PEX14: variants seen among roughly 807,000 people sequenced by gnomAD.
The protein encoded by PEX14 is peroxisomal biogenesis factor 14, also known as peroxisomal membrane protein PEX14.
In PEX14, 15 loss-of-function variants were observed where a neutral mutation model predicts 49.5. That is an observed-to-expected ratio of 0.30 (90% CI 0.20 to 0.47). PEX14 has a LOEUF of 0.47. Ranked by LOEUF, PEX14 falls within the 20% of genes least tolerant of loss-of-function variation. The probability of loss-of-function intolerance (pLI) is 1.00; values close to 1 mark genes in which losing one functional copy is unlikely to be tolerated. For synonymous variants in PEX14, 210 were observed against 212.7 expected, an observed-to-expected ratio of 0.99 and a Z score of 0.11; for missense variants, 398 against 494.8, an observed-to-expected ratio of 0.80 and a Z score of 1.86.
At chr1:10,574,255 A>C (rs970768417) in intron 3 of PEX14, among the ~76,000 whole-genome samples, 1 of 152,242 alleles carries the variant, frequency 6.6e-6, no homozygotes, top group Non-Finnish European at 1.5e-5. Context: ...AGTCTTAAAG[A>C]ATTCTGTCAA....
At chr1:10,619,057 G>A (rs773910039) in intron 5 of PEX14, among the ~76,000 whole-genome samples, 14 of 152,202 alleles carry the variant, frequency 9.2e-5, no homozygotes, top group Non-Finnish European at 2.1e-4. Context: ...TCTGTCTGTT[G>A]TGCTGCCATC....
intron 3 of PEX14, among the ~76,000 whole-genome samples, chr1:10,576,913 C>T (rs1021716180): frequency 1.1e-4 from 16 of 151,940 alleles, no homozygotes; most frequent in African/African-American, 2.9e-4. Context: ...CCACCATGCC[C>T]GGCTAATTTT....
At chr1:10,608,467 G>A (rs1190462216) in intron 4 of PEX14, among the ~76,000 whole-genome samples, 1 of 152,098 alleles carries the variant, frequency 6.6e-6, no homozygotes, top group Non-Finnish European at 1.5e-5. Context: ...TTCGAGACCA[G>A]CCTGGCCAAC....
chr1:10,592,131 A>G (rs948119648), intron 3 of PEX14, among the ~76,000 whole-genome samples: 2 of 152,310 alleles, frequency 1.3e-5, no homozygotes, highest in Admixed American at 6.5e-5. Flanking sequence ...GTGTTTATCA[A>G]TTTGACTTTT....
At chr1:10,620,144 T>C (rs1641547278) in intron 5 of PEX14, among the ~76,000 whole-genome samples, 1 of 151,220 alleles carries the variant, frequency 6.6e-6, no homozygotes. Context: ...AAAAAGAAAT[T>C]GAGAAACAAA....
intron 3 of PEX14, among the ~76,000 whole-genome samples, chr1:10,571,097 T>TC (rs1252964490): frequency 6.8e-6 from 1 of 146,862 alleles, no homozygotes; most frequent in Non-Finnish European, 1.5e-5. Context: ...GCTCAGGCAG[T>TC]CCTCCCACCT....
chr1:10,582,693 T>C (rs1640356547), intron 3 of PEX14, among the ~76,000 whole-genome samples: 1 of 152,142 alleles, frequency 6.6e-6, no homozygotes, highest in South Asian at 2.1e-4. Flanking sequence ...TTGCTTTATT[T>C]AGTACAGGGT....
At chr1:10,583,404 A>T (rs560996975) in intron 3 of PEX14, among the ~76,000 whole-genome samples, 3,814 of 142,938 alleles carry the variant, frequency 0.027, 72 homozygotes, top group Middle Eastern at 0.053. Context: ...TTTTTTTTTA[A>T]AAAGGTGAGG....
intron 2 of PEX14, among the ~76,000 whole-genome samples, chr1:10,531,549 G>A (rs554395086): frequency 1.3e-5 from 2 of 152,094 alleles, no homozygotes; most frequent in Non-Finnish European, 2.9e-5. Flanking sequence ...GGAGCAGTGC[G>A]GCGCTGGAAT....
chr1:10,564,878 CCCA>C (rs1639756944), intron 3 of PEX14, among the ~76,000 whole-genome samples: 1 of 150,792 alleles, frequency 6.6e-6, no homozygotes, highest in Non-Finnish European at 1.5e-5. Flanking sequence ...TTCATTTTCC[CCCA>C]CTTGGTCCTA....
At chr1:10,568,211 A>T (rs1052191943) in intron 3 of PEX14, among the ~76,000 whole-genome samples, 3 of 151,858 alleles carry the variant, frequency 2.0e-5, no homozygotes, top group Non-Finnish European at 4.4e-5. Context: ...AAAACTGATG[A>T]TTGTGAACGT....
Position 10,538,716 on chromosome 1 carries a change from T to C in PEX14, c.169+2419T>C, listed in dbSNP as rs922351242. ...TCTCCGATGGGGATGAGGGTGAACA[T>C]CTACTGGGTCCCTAACAGTAGTTGT... On this transcript the variant is annotated intron_variant, in intron 3 of 8. Transcript: ENST00000356607. Among the ~76,000 whole-genome samples, 2 of 152,218 alleles carry C rather than the reference T, an allele frequency of 1.3e-5. 1 individual carries two copies. The highest frequency in any genetic ancestry group is 4.8e-5 in the African/African-American group (2 of 41,454).
intron 1 of PEX14, among the ~76,000 whole-genome samples, chr1:10,492,925 G>T (rs187258542): frequency 1.3e-5 from 2 of 152,290 alleles, no homozygotes; most frequent in Admixed American, 6.5e-5. Flanking sequence ...AGAGGCAGGT[G>T]GTGTTACCTG....
chr1:10,536,110 T>G (rs958304033), intron 2 of PEX14, 103 bp from the exon 3 acceptor site: 4 of 785,480 alleles, frequency 5.1e-6, no homozygotes, highest in African/African-American at 5.1e-5. Context: ...ACCACAATAG[T>G]ATGCTTGTCT....
At chr1:10,594,457 G>C (rs965303329) in intron 3 of PEX14, among the ~76,000 whole-genome samples, 3 of 152,328 alleles carry the variant, frequency 2.0e-5, no homozygotes, top group South Asian at 2.1e-4. Flanking sequence ...GTTTGTCACT[G>C]GCCCCCTGGC....
Position 10,623,866 on chromosome 1 carries a change from TGGGTCAGGTGGGGAG to T in PEX14, c.488-471_488-457del, listed in dbSNP as rs1641665722. ...ACACCAGGGAGTTGAGCAGGCAGCT[TGGGTCAGGTGGGGAG>T]GGTGGGAAGGAGCAGTGGGAAACAG... is the stretch of plus-strand genomic sequence containing the variant. On this transcript the variant is annotated intron_variant, in intron 6 of 8. Coordinates refer to ENST00000356607, the MANE Select transcript of PEX14 (RefSeq NM_004565.3). The surrounding 1 kb of genome is among the most constrained non-coding windows in gnomAD (Gnocchi z 4.4). Among the ~76,000 whole-genome samples the T allele has an allele frequency of 6.6e-6, 1 of 151,958 alleles. No individual in the cohort carries two copies. Among genetic ancestry groups the T allele is most frequent in the African/African-American group, 2.4e-5 (1 of 41,320 alleles).
intron 8 of PEX14, among the ~76,000 whole-genome samples, chr1:10,627,636 A>C (rs929546950): frequency 6.6e-6 from 1 of 152,240 alleles, no homozygotes; most frequent in Non-Finnish European, 1.5e-5. Flanking sequence ...TTGAGCCAAA[A>C]AGCAGGGCCC....
chr1:10,504,598 G>C (rs1641747203), intron 2 of PEX14, among the ~76,000 whole-genome samples: 1 of 152,140 alleles, frequency 6.6e-6, no homozygotes, highest in Admixed American at 6.5e-5. Context: ...CTTTCTCTCT[G>C]TGTTGGCCCA....
chr1:10,486,679 G>T (rs545985342), intron 1 of PEX14, among the ~76,000 whole-genome samples: 2 of 142,326 alleles, frequency 1.4e-5, no homozygotes, highest in Non-Finnish European at 3.0e-5. Flanking sequence ...GAAAGATGGA[G>T]ACTCTGTCTC....
Sources: allele counts gnomAD v4.1 joint callset (sites outside exome capture counted in the v4.1 genomes callset), GRCh38; gene constraint gnomAD v4.1.1; non-coding constraint Gnocchi (gnomAD v3.1); transcripts MANE v1.5; gene names NCBI Gene and HGNC (gene_info 2026-07-23, HGNC 2026-07-21).